Variants in THADA observed in about 807,000 individuals in gnomAD.
The protein encoded by THADA is THADA armadillo repeat containing, also known as tRNA (32-2'-O)-methyltransferase regulator THADA.
A neutral mutation model predicts 219.8 loss-of-function variants in THADA; 213 were observed. That is an observed-to-expected ratio of 0.97 (90% CI 0.87 to 1.09). The LOEUF (loss-of-function observed/expected upper bound fraction) is 1.09. Ranked by LOEUF, THADA falls within the 50% of genes least tolerant of loss-of-function variation. The pLI is 0.00. For missense variants in THADA, 2,956 were observed against 2,311.3 expected, an observed-to-expected ratio of 1.28 and a Z score of -5.72; for synonymous variants, 1,018 against 828.9, an observed-to-expected ratio of 1.23 and a Z score of -3.92.
intron 25 of THADA, among the ~76,000 whole-genome samples, chr2:43,490,094 A>C (rs2105029598): frequency 6.6e-6 from 1 of 152,210 alleles, no homozygotes; most frequent in East Asian, 1.9e-4. Context: ...TTTATTCCTA[A>C]GTATTTTATT....
chr2:43,493,037 A>G (rs1449091779), intron 25 of THADA, among the ~76,000 whole-genome samples: 2 of 152,160 alleles, frequency 1.3e-5, no homozygotes, highest in East Asian at 1.9e-4. Context: ...CAACCTCATA[A>G]TTATCAGAGG....
At chr2:43,524,172 A>G (rs961179560) in intron 22 of THADA, among the ~76,000 whole-genome samples, 4 of 152,258 alleles carry the variant, frequency 2.6e-5, no homozygotes, top group Admixed American at 1.3e-4. Flanking sequence ...AATAGAAAGC[A>G]CGACATAAAA....
At chr2:43,430,157 T>A (rs1679048354) in intron 27 of THADA, 56 bp downstream of exon 27, 1 of 833,598 alleles carries the variant, frequency 1.2e-6, no homozygotes, top group South Asian at 2.2e-5. Flanking sequence ...AAATCTCAAT[T>A]ACTAAGGTAA....
At chr2:43,430,362 C>T (rs907526270) in intron 26 of THADA, 60 bp from the exon 27 acceptor site, 21 of 944,964 alleles carry the variant, frequency 2.2e-5, no homozygotes, top group South Asian at 5.1e-5. Context: ...GACAATAAAG[C>T]CTTTTTTTTA....
At chr2:43,388,137 C>T (rs988853189) in intron 29 of THADA, among the ~76,000 whole-genome samples, 15 of 152,272 alleles carry the variant, frequency 9.9e-5, no homozygotes, top group African/African-American at 3.6e-4. Flanking sequence ...TTACTTTTGG[C>T]CTATTCCATT....
Position 43,396,000 on chromosome 2 carries a change from G to A in THADA, c.4227+1971C>T, listed in dbSNP as rs116758223. ...TTGAACTCCTGGCCTCAAGTGATCT[G>A]TCCAGCTCAGCCTCCCAAAGTGCTG... On this transcript the variant is annotated intron_variant, in intron 29 of 37. Transcript: ENST00000405975. Among the ~76,000 whole-genome samples the A allele has an allele frequency of 3.4e-3, 518 of 152,272 alleles. 4 individuals carry two copies. The highest frequency in any genetic ancestry group is 0.011 in the African/African-American group (461 of 41,544).
At chr2:43,236,691 A>C (rs2104027438) in intron 36 of THADA, among the ~76,000 whole-genome samples, 1 of 152,260 alleles carries the variant, frequency 6.6e-6, no homozygotes, top group East Asian at 1.9e-4. Flanking sequence ...GTGTATCCAA[A>C]ACAATCTTGA....
intron 31 of THADA, among the ~76,000 whole-genome samples, chr2:43,316,701 G>C (rs982917497): frequency 1.3e-5 from 2 of 152,192 alleles, no homozygotes; most frequent in African/African-American, 4.8e-5. Flanking sequence ...GCCGAGGCGG[G>C]TGGATCACCT....
chr2:43,561,669 G>C (rs1415525353), intron 15 of THADA, among the ~76,000 whole-genome samples: 1 of 152,158 alleles, frequency 6.6e-6, no homozygotes, highest in African/African-American at 2.4e-5. Flanking sequence ...GCCGACACCT[G>C]AGGTTTTTGT....
At chr2:43,552,136 C>G in intron 18 of THADA, 68 bp downstream of exon 18, 2 of 1,551,892 alleles carry the variant, frequency 1.3e-6, no homozygotes. Context: ...AGGACACATT[C>G]CAACCAGAGG....
chr2:43,578,662 G>C (rs1574344790), intron 8 of THADA, 55 bp from the exon 9 acceptor site: 3 of 1,348,236 alleles, frequency 2.2e-6, no homozygotes, highest in East Asian at 2.4e-5. Flanking sequence ...TTCTGGTAGA[G>C]TGGAAAGAGC....
intron 20 of THADA, among the ~76,000 whole-genome samples, chr2:43,546,638 C>G (rs1252513433): frequency 6.6e-6 from 1 of 152,054 alleles, no homozygotes; most frequent in Admixed American, 6.6e-5. Flanking sequence ...CCTTCTTTGT[C>G]TCTTTTGATC....
intron 28 of THADA, among the ~76,000 whole-genome samples, chr2:43,407,874 T>C (rs1675772694): frequency 6.6e-6 from 1 of 152,126 alleles, no homozygotes; most frequent in African/African-American, 2.4e-5. Flanking sequence ...AAAAGAATGA[T>C]GGATTCCCAA....
intron 16 of THADA, among the ~76,000 whole-genome samples, chr2:43,559,129 G>A (rs938254765): frequency 6.6e-6 from 1 of 152,200 alleles, no homozygotes; most frequent in African/African-American, 2.4e-5. Context: ...GAATGATAAG[G>A]TGAGGAGTGG....
chr2:43,416,993 T>A (rs1677063344), intron 28 of THADA, among the ~76,000 whole-genome samples: 1 of 151,728 alleles, frequency 6.6e-6, no homozygotes, highest in African/African-American at 2.4e-5. Context: ...ACATTGGCAA[T>A]TTAAAAAAGT....
chr2:43,559,814 T>C (rs1426596658), intron 16 of THADA, among the ~76,000 whole-genome samples: 2 of 152,142 alleles, frequency 1.3e-5, no homozygotes, highest in African/African-American at 4.8e-5. Flanking sequence ...CCTCTCTACC[T>C]CATTTACACT....
intron 7 of THADA, among the ~76,000 whole-genome samples, chr2:43,585,386 C>T (rs1020173048): frequency 3.3e-5 from 5 of 149,514 alleles, no homozygotes; most frequent in South Asian, 2.1e-4. Context: ...AGCATGGTGG[C>T]GGGCACCTGT....
intron 4 of THADA, among the ~76,000 whole-genome samples, chr2:43,590,600 G>C (rs1701447708): frequency 1.4e-5 from 2 of 139,432 alleles, no homozygotes; most frequent in Admixed American, 1.6e-4. Flanking sequence ...AGCCAAGATC[G>C]CACCACTGCA....
chr2:43,295,282 T>C (rs1675236423), intron 31 of THADA, among the ~76,000 whole-genome samples: 1 of 152,222 alleles, frequency 6.6e-6, no homozygotes, highest in South Asian at 2.1e-4. Flanking sequence ...ATCAAATAAT[T>C]ACTAAAAATG....
Sources: gnomAD v4.1 joint callset for allele counts (sites outside exome capture counted in the v4.1 genomes callset) on GRCh38, gnomAD v4.1.1 for gene constraint, MANE v1.5 for transcripts, NCBI Gene and HGNC (gene_info 2026-07-23, HGNC 2026-07-21) for gene names.